POU2F3: variants seen among roughly 807,000 people sequenced by gnomAD.
The protein encoded by POU2F3 is POU class 2 homeobox 3.
POU2F3 carries 23 observed loss-of-function variants against 59.2 expected under a neutral mutation model. The observed-to-expected ratio is 0.39, with a 90% CI of 0.28 to 0.55. POU2F3 has a LOEUF of 0.55. Among genes scored for constraint, POU2F3 ranks in the 20% least tolerant of loss-of-function variants. The pLI, the probability that POU2F3 is intolerant of heterozygous loss-of-function variation, is 0.66. For missense variants in POU2F3, 473 were observed against 544.5 expected (o/e 0.87, Z 1.31); for synonymous variants, 190 against 214.6 (o/e 0.89, Z 1.00).
intron 2 of POU2F3, among the ~76,000 whole-genome samples, chr11:120,250,833 C>T (rs1193136634): frequency 2.0e-5 from 3 of 152,070 alleles, no homozygotes; most frequent in Non-Finnish European, 4.4e-5. Flanking sequence ...AAAAATTAGC[C>T]GGGCGTGGTA....
intron 3 of POU2F3, among the ~76,000 whole-genome samples, chr11:120,288,511 C>T (rs1940899767): frequency 6.6e-6 from 1 of 152,198 alleles, no homozygotes. Flanking sequence ...CAAGTCACAG[C>T]TCTCCTGCTA....
At chr11:120,308,273 C>A (rs527563087) in intron 9 of POU2F3, among the ~76,000 whole-genome samples, 86 of 152,336 alleles carry the variant, frequency 5.6e-4, no homozygotes, top group South Asian at 2.7e-3. Context: ...GCCTAGCCAG[C>A]CTCTAGCCAG....
intron 11 of POU2F3, among the ~76,000 whole-genome samples, chr11:120,315,865 C>CTTTTTTTTTTTTTTTTTTTTTTTTTTT (rs34115412): frequency 1.4e-5 from 1 of 73,046 alleles, no homozygotes; most frequent in Non-Finnish European, 2.6e-5. Context: ...CTTCCTTCCA[C>CTTTTTTTTTTTTTTTTTTTTTTTTTTT]TTTTTTTTTT....
chr11:120,236,726 T>C, upstream of POU2F3: 2 of 1,465,960 alleles, frequency 1.4e-6, no homozygotes, highest in Non-Finnish European at 1.8e-6. Flanking sequence ...GTTCTCTACG[T>C]TCCCATTCTA....
At chr11:120,292,044 G>A (rs566398742) in intron 3 of POU2F3, among the ~76,000 whole-genome samples, 6 of 152,198 alleles carry the variant, frequency 3.9e-5, no homozygotes, top group South Asian at 2.1e-4. Flanking sequence ...TCCTGACCTC[G>A]TGATCCACCA....
At chr11:120,281,168 G>A (rs1445613464) in intron 3 of POU2F3, among the ~76,000 whole-genome samples, 1 of 152,004 alleles carries the variant, frequency 6.6e-6, no homozygotes, top group Non-Finnish European at 1.5e-5. Context: ...TGGGGCTCAG[G>A]TGCTGTTTCT....
intron 2 of POU2F3, among the ~76,000 whole-genome samples, chr11:120,257,367 G>A (rs1005383198): frequency 6.6e-6 from 1 of 151,956 alleles, no homozygotes; most frequent in Non-Finnish European, 1.5e-5. Flanking sequence ...TCCTTGGACA[G>A]AGCTTCCCCT....
intron 2 of POU2F3, among the ~76,000 whole-genome samples, chr11:120,255,680 T>G (rs1939310684): frequency 6.6e-6 from 1 of 152,198 alleles, no homozygotes; most frequent in Non-Finnish European, 1.5e-5. Context: ...CACGGGACCC[T>G]GGAGAGCTGG....
At chr11:120,270,099 C>T (rs1203453474) in intron 3 of POU2F3, among the ~76,000 whole-genome samples, 3 of 152,142 alleles carry the variant, frequency 2.0e-5, no homozygotes, top group South Asian at 2.1e-4. Context: ...GTTTTCGTCC[C>T]ATTTCTGCCA....
intron 2 of POU2F3, among the ~76,000 whole-genome samples, chr11:120,266,152 A>G (rs1939819141): frequency 6.6e-6 from 1 of 152,068 alleles, no homozygotes; most frequent in Non-Finnish European, 1.5e-5. Context: ...GTTCTTCCCC[A>G]AGTCACCCCA....
intron 11 of POU2F3, among the ~76,000 whole-genome samples, chr11:120,316,600 ATT>A (rs1216039710): frequency 6.6e-6 from 1 of 151,924 alleles, no homozygotes; most frequent in African/African-American, 2.4e-5. Flanking sequence ...TAATTTTTGT[ATT>A]TTTTGCAGAG....
At chr11:120,255,727 T>C (rs1187522226) in intron 2 of POU2F3, among the ~76,000 whole-genome samples, 3 of 152,020 alleles carry the variant, frequency 2.0e-5, no homozygotes, top group Admixed American at 1.3e-4. Context: ...CTGGGTGTTA[T>C]AACTTCTGCC....
At chr11:120,308,857 T>C (rs1470220952) in intron 9 of POU2F3, among the ~76,000 whole-genome samples, 1 of 139,174 alleles carries the variant, frequency 7.2e-6, no homozygotes, top group Non-Finnish European at 1.5e-5. Context: ...GAGAATTGCT[T>C]GAACCCGGGA....
chr11:120,308,895 C>T (rs548916670), intron 9 of POU2F3, among the ~76,000 whole-genome samples: 2 of 129,864 alleles, frequency 1.5e-5, no homozygotes, highest in Non-Finnish European at 3.1e-5. Context: ...GCGGAGATCG[C>T]GCCACTGCAC....
At chr11:120,272,661 C>T (rs746166719) in intron 3 of POU2F3, among the ~76,000 whole-genome samples, 29 of 152,176 alleles carry the variant, frequency 1.9e-4, no homozygotes, top group Non-Finnish European at 3.8e-4. Context: ...GCTCATGGCT[C>T]ATCGGGAAGT....
chr11:120,298,386 G>T lies in POU2F3; in HGVS notation c.254G>T (p.Cys85Phe). 6.2e-7 allele frequency: 1 copy of T among 1,613,502 alleles called. No homozygotes were observed. The highest frequency in any genetic ancestry group is 8.5e-7 in the Non-Finnish European group (1 of 1,179,794). Residue 85 changes from cysteine to phenylalanine, a missense_variant, in exon 4 of 13, where the codon TGT (cysteine) becomes TTT (phenylalanine). Transcript: ENST00000543440. ...ATGTCTGGGCTAAATGCCAGCCCAT[G>T]TCAGGTAACACTGTGATTTTCACAG... The part of the protein sequence containing the change: ...NQMSGLNASP[C>F]QDMASLHPLQ...
intron 1 of POU2F3, among the ~76,000 whole-genome samples, chr11:120,242,344 G>A (rs1437838877): frequency 6.6e-6 from 1 of 152,120 alleles, no homozygotes; most frequent in Non-Finnish European, 1.5e-5. Context: ...GTCTTCCAGT[G>A]CGCACCCTGC....
chr11:120,247,477 C>T (rs968662563), intron 2 of POU2F3, among the ~76,000 whole-genome samples: 3 of 152,158 alleles, frequency 2.0e-5, no homozygotes, highest in Admixed American at 6.5e-5. Flanking sequence ...CTTTTCTGCT[C>T]CCCAGTTTAA....
intron 3 of POU2F3, among the ~76,000 whole-genome samples, chr11:120,270,507 A>T (rs1340706659): frequency 6.6e-6 from 1 of 152,192 alleles, no homozygotes; most frequent in Non-Finnish European, 1.5e-5. Context: ...AGTTTTAGTC[A>T]GAGAAGAGTG....
Sources: allele counts gnomAD v4.1 joint callset (sites outside exome capture counted in the v4.1 genomes callset), GRCh38; gene constraint gnomAD v4.1.1; transcripts MANE v1.5; gene names NCBI Gene and HGNC (gene_info 2026-07-23, HGNC 2026-07-21).